The following MGAM2 variants were observed in gnomAD, a reference collection of about 807,000 sequenced individuals.
MGAM2 encodes the protein probable maltase-glucoamylase 2.
Under a neutral mutation model 96.1 loss-of-function variants are expected in MGAM2, and 98 were observed. The observed-to-expected ratio is 1.02, with a 90% CI of 0.87 to 1.21. The LOEUF is 1.21. MGAM2 is among the 50% of genes most tolerant of loss of function. The pLI is 0.00. For missense variants in MGAM2, 2,055 were observed against 1,182.4 expected, an observed-to-expected ratio of 1.74 and a Z score of -10.82; for synonymous variants, 749 against 414.8, an observed-to-expected ratio of 1.81 and a Z score of -9.79.
chr7:142,159,249 G>T (rs772900096), intron 19 of MGAM2, 38 bp from the exon 20 acceptor site: 76 of 700,118 alleles, frequency 1.1e-4, no homozygotes, highest in Non-Finnish European at 1.9e-4. Context: ...CTGTAGAGAG[G>T]GGTATGCTAA....
At position 142,208,586 on chromosome 7, in the gene MGAM2, T is replaced by C. The variant is rs978543832; in HGVS notation, c.5151T>C (p.Asn1717=). The C allele has an allele frequency of 4.3e-6, 3 of 702,678 alleles. No individual in the cohort carries two copies. The African/African-American group carries it at 5.2e-5, about 12-fold the overall frequency. The allele number at this position is 702,678 out of a possible 1,614,324, so 43.5% of individuals were successfully genotyped here. The change falls in exon 46 of 48, where the codon AAT becomes AAC. Residue 1717 remains asparagine (N), a synonymous_variant. Coordinates refer to ENST00000477922, the MANE Select transcript of MGAM2 (RefSeq NM_001293626.2). ...DDGQSIDTYE[N]GNYFLANFIA... is the part of the protein sequence containing the mutation. ...CCTTGTTTGCAGATACCTATGAAAA[T>C]GGAAATTATTTTTTGGCAAACTTTA...
At chr7:142,216,912 T>C (rs1193292110) in intron 46 of MGAM2, among the ~76,000 whole-genome samples, 2 of 152,206 alleles carry the variant, frequency 1.3e-5, no homozygotes, top group African/African-American at 2.4e-5. Context: ...CTTACATACC[T>C]AACTGGCCTC....
intron 26 of MGAM2, among the ~76,000 whole-genome samples, chr7:142,169,656 A>G (rs897458616): frequency 2.0e-5 from 3 of 152,122 alleles, no homozygotes; most frequent in African/African-American, 7.2e-5. Flanking sequence ...TGGAAGCTCA[A>G]ACAGTGAGGA....
chr7:142,138,926 T>A (rs754706596), intron 10 of MGAM2, among the ~76,000 whole-genome samples: 9 of 152,210 alleles, frequency 5.9e-5, no homozygotes, highest in Non-Finnish European at 1.0e-4. Context: ...AATTAACATC[T>A]CTGAGCCTTA....
chr7:142,174,589 CTAGATA>C (rs1796303157), intron 31 of MGAM2, among the ~76,000 whole-genome samples: 1 of 151,538 alleles, frequency 6.6e-6, no homozygotes, highest in Non-Finnish European at 1.5e-5. Context: ...ATGGAGTTTT[CTAGATA>C]TAGGATCTTG....
chr7:142,201,156 T>C (rs1477255048), intron 45 of MGAM2, among the ~76,000 whole-genome samples: 2 of 133,200 alleles, frequency 1.5e-5, no homozygotes, highest in Admixed American at 1.7e-4. Flanking sequence ...TGCAACCTCC[T>C]CCTCCCTAAT....
intron 6 of MGAM2, among the ~76,000 whole-genome samples, chr7:142,133,527 A>G (rs1463052281): frequency 6.6e-6 from 1 of 152,062 alleles, no homozygotes; most frequent in Non-Finnish European, 1.5e-5. Flanking sequence ...CAGAAGTATT[A>G]GTGTCTGTAA....
At chr7:142,156,923 C>T (rs577039467) in intron 17 of MGAM2, among the ~76,000 whole-genome samples, 13 of 152,226 alleles carry the variant, frequency 8.5e-5, no homozygotes, top group African/African-American at 2.9e-4. Flanking sequence ...AAATTTTCAT[C>T]TCTGGGTCCA....
intron 10 of MGAM2, among the ~76,000 whole-genome samples, chr7:142,139,109 A>G (rs1300977593): frequency 6.6e-6 from 1 of 152,216 alleles, no homozygotes; most frequent in Non-Finnish European, 1.5e-5. Context: ...ACAAGAGCTG[A>G]TGATTATAAT....
chr7:142,220,638 G>T lies in MGAM2; in HGVS notation c.6127G>T (p.Ala2043Ser). Residue 2043 changes from alanine to serine, a missense_variant, in exon 48 of 48, where the codon GCT becomes TCT. Transcript: ENST00000477922. ...TGGTACTACTGTTCCTGATACAACT[G>T]CTCCTTTCCCTACAAGTACTACTAG... is the stretch of plus-strand genomic sequence containing the variant. ...TTGTTVPDTT[A>S]PFPTSTTSTS... 1.4e-6 allele frequency: 1 copy of T among 701,802 alleles called. No individual in the cohort carries two copies. The highest frequency in any genetic ancestry group is 1.5e-5 in the South Asian group (1 of 67,584). The allele number at this position is 701,802 out of a possible 1,614,324, so 43.5% of individuals were successfully genotyped here.
intron 37 of MGAM2, among the ~76,000 whole-genome samples, chr7:142,195,865 AAAT>A (rs1383809047): frequency 6.6e-6 from 1 of 152,118 alleles, no homozygotes; most frequent in Non-Finnish European, 1.5e-5. Context: ...ATTGTTCCAT[AAAT>A]AGCTATATTA....
At chr7:142,190,782 T>C (rs1028753018) in intron 37 of MGAM2, among the ~76,000 whole-genome samples, 3 of 152,234 alleles carry the variant, frequency 2.0e-5, no homozygotes, top group Non-Finnish European at 4.4e-5. Context: ...TATTTGTATA[T>C]ATTCAAATAT....
intron 21 of MGAM2, 76 bp from the exon 22 acceptor site, chr7:142,161,049 G>T: frequency 1.5e-6 from 1 of 681,324 alleles, no homozygotes; most frequent in Non-Finnish European, 2.7e-6. Context: ...ATCTGTCCCT[G>T]GGGGATGAAG....
Position 142,159,353 on chromosome 7 carries a change from G to C in MGAM2, c.2220+10G>C, listed in dbSNP as rs776397130. On this transcript the variant is annotated intron_variant, in intron 20 of 47. Transcript: ENST00000477922. ...GTATGACTATGAGACAGTAAGTAAGGCAGCCCTGGTTGGCTCACAGACCTG... is the reference window on the plus strand; with the variant it reads ...GTATGACTATGAGACAGTAAGTAAGCCAGCCCTGGTTGGCTCACAGACCTG... 5.7e-6 allele frequency: 4 copies of C among 702,136 alleles called. No homozygotes were observed. In the South Asian group the frequency reaches 5.9e-5, roughly 10 times the overall value. 43.5% of individuals were successfully genotyped at this position (702,136 alleles called of 1,614,324 possible).
At chr7:142,121,005 A>T (rs957783440) in intron 3 of MGAM2, among the ~76,000 whole-genome samples, 1 of 152,084 alleles carries the variant, frequency 6.6e-6, no homozygotes, top group Non-Finnish European at 1.5e-5. Flanking sequence ...TTTAAATTTT[A>T]TTTCTTGGCC....
chr7:142,143,134 AT>A, intron 12 of MGAM2, among the ~76,000 whole-genome samples: 1 of 152,194 alleles, frequency 6.6e-6, no homozygotes, highest in Non-Finnish European at 1.5e-5. Context: ...CAATCTATAA[AT>A]TTATAGGGAA....
At chr7:142,124,044 C>T (rs929767605) in intron 3 of MGAM2, among the ~76,000 whole-genome samples, 1 of 138,104 alleles carries the variant, frequency 7.2e-6, no homozygotes, top group African/African-American at 2.9e-5. Context: ...GCAATCTTGG[C>T]TCACTGCAAC....
At chr7:142,209,865 AAT>A (rs1302569396) in intron 46 of MGAM2, among the ~76,000 whole-genome samples, 2 of 152,198 alleles carry the variant, frequency 1.3e-5, no homozygotes, top group African/African-American at 4.8e-5. Flanking sequence ...CCTAATTTGA[AAT>A]ATTCAAAAGT....
Position 142,121,320 on chromosome 7 carries a change from G to A in MGAM2, c.186+939G>A, listed in dbSNP as rs1794568160. Among the ~76,000 whole-genome samples, 3 of 149,442 alleles carry A rather than the reference G, an allele frequency of 2.0e-5. No homozygotes were observed. In the South Asian group the frequency reaches 6.2e-4, roughly 31 times the overall value. On this transcript the variant is annotated intron_variant, in intron 3 of 47. Coordinates refer to ENST00000477922, the MANE Select transcript of MGAM2 (RefSeq NM_001293626.2). ...AGCCTCCCGAGGAGCTGGGATTACA[G>A]GCACCTGCCACCATGCCCAGCTAAA... is the stretch of plus-strand genomic sequence containing the variant.
Sources: gnomAD v4.1 joint callset for allele counts (sites outside exome capture counted in the v4.1 genomes callset) on GRCh38, gnomAD v4.1.1 for gene constraint, MANE v1.5 for transcripts, NCBI Gene and HGNC (gene_info 2026-07-23, HGNC 2026-07-21) for gene names.